NUBPL: variants seen among roughly 807,000 people sequenced by gnomAD.
NUBPL encodes the protein iron-sulfur cluster transfer protein NUBPL.
In NUBPL, 31 loss-of-function variants were observed where a neutral mutation model predicts 45.7. That is an observed-to-expected ratio of 0.68 (90% CI 0.51 to 0.92). The LOEUF is 0.92. NUBPL is among the 40% of genes least tolerant of loss of function. NUBPL has a pLI of 0.00. For synonymous variants in NUBPL, 144 were observed against 140.9 expected (o/e 1.02, Z -0.15); for missense variants, 401 against 398.7 (o/e 1.01, Z -0.05).
rs527750445 is a variant in NUBPL at position 31,784,625 on chromosome 14, A to G, written c.514-3155A>G. Among the ~76,000 whole-genome samples, 58 of 152,184 alleles carry G rather than the reference A, an allele frequency of 3.8e-4. 1 individual carries two copies. Among genetic ancestry groups the G allele is most frequent in the Non-Finnish European group, 5.3e-4 (36 of 67,996 alleles). On this transcript the variant is annotated intron_variant, in intron 6 of 10. Transcript: ENST00000281081. ...TAAAGCTCCAGCAGCTTAGATTTTCAATTATTTTATTTCACAGTTTCATAG... is the reference window on the plus strand; with the variant it reads ...TAAAGCTCCAGCAGCTTAGATTTTCGATTATTTTATTTCACAGTTTCATAG...
chr14:31,578,433 T>G (rs1052377031), intron 3 of NUBPL, among the ~76,000 whole-genome samples: 3 of 152,224 alleles, frequency 2.0e-5, no homozygotes, highest in Non-Finnish European at 4.4e-5. Context: ...TGTTTCTTTC[T>G]GGTCAGGAAT....
intron 6 of NUBPL, among the ~76,000 whole-genome samples, chr14:31,776,679 A>G (rs2039103300): frequency 6.6e-6 from 1 of 152,176 alleles, no homozygotes; most frequent in African/African-American, 2.4e-5. Context: ...TCCAACAGCA[A>G]CTGAAAAACA....
At chr14:31,619,751 G>T (rs9743525) in intron 4 of NUBPL, among the ~76,000 whole-genome samples, 1 of 151,982 alleles carries the variant, frequency 6.6e-6, no homozygotes, top group Non-Finnish European at 1.5e-5. Context: ...TGAATCCTAC[G>T]ATTATGTGCC....
At chr14:31,694,090 C>T (rs574053057) in intron 6 of NUBPL, among the ~76,000 whole-genome samples, 7 of 152,140 alleles carry the variant, frequency 4.6e-5, no homozygotes, top group South Asian at 2.1e-4. Flanking sequence ...CTCCTGACCT[C>T]GTGATCTGCC....
intron 6 of NUBPL, among the ~76,000 whole-genome samples, chr14:31,706,941 T>C (rs1473870776): frequency 1.3e-5 from 2 of 152,268 alleles, no homozygotes; most frequent in African/African-American, 4.8e-5. Flanking sequence ...TTCCTGATTC[T>C]GTAAGTACTT....
In NUBPL at chr14:31,800,105, G is replaced by A. The variant is rs149889913; in HGVS notation, c.607+12232G>A. ...AAGGAGCAATTCCTTATCTGTTCAG[G>A]TTTGATAATGAGATTTCAGCAATTC... On this transcript the variant is annotated intron_variant, in intron 7 of 10. Coordinates refer to ENST00000281081, the MANE Select transcript of NUBPL (RefSeq NM_025152.3). 1.0e-3 allele frequency among the ~76,000 whole-genome samples: 152 copies of A among 152,200 alleles called. 1 individual carries two copies. Among genetic ancestry groups the A allele is most frequent in the Middle Eastern group, 3.4e-3 (1 of 294 alleles).
intron 3 of NUBPL, among the ~76,000 whole-genome samples, chr14:31,594,448 A>G (rs920606364): frequency 6.6e-6 from 1 of 152,118 alleles, no homozygotes; most frequent in East Asian, 1.9e-4. Context: ...TTTATCTTGC[A>G]TTTCTATTTT....
At chr14:31,579,032 G>T (rs1319124219) in intron 3 of NUBPL, among the ~76,000 whole-genome samples, 1 of 152,164 alleles carries the variant, frequency 6.6e-6, no homozygotes. Flanking sequence ...GTCTTTGAAG[G>T]AAGTCTAGGT....
At chr14:31,725,968 C>A (rs766923160) in intron 6 of NUBPL, among the ~76,000 whole-genome samples, 1 of 152,064 alleles carries the variant, frequency 6.6e-6, no homozygotes, top group Non-Finnish European at 1.5e-5. Flanking sequence ...CCTCAGCCTC[C>A]CAAAGTCCTG....
At position 31,643,526 on chromosome 14, in the gene NUBPL, T is replaced by C. The variant is rs1441553813; in HGVS notation, c.383-29829T>C. ...ACTTATTCATGGTGAATGATATTTT[T>C]AATGTGTTGTTGAATTCAGTTCGCT... On this transcript the variant is annotated intron_variant, in intron 4 of 10. Transcript: ENST00000281081. 2.0e-5 allele frequency among the ~76,000 whole-genome samples: 3 copies of C among 152,312 alleles called. No individual in the cohort carries two copies. The East Asian group carries it at 5.8e-4, about 29-fold the overall frequency.
chr14:31,601,134 C>T (rs184673411), intron 4 of NUBPL, among the ~76,000 whole-genome samples: 289 of 152,232 alleles, frequency 1.9e-3, no homozygotes, highest in Middle Eastern at 6.8e-3. Context: ...GGTACCAGTA[C>T]CATGCTGTTT....
chr14:31,735,945 C>A (rs969832729), intron 6 of NUBPL, among the ~76,000 whole-genome samples: 1 of 152,142 alleles, frequency 6.6e-6, no homozygotes, highest in Non-Finnish European at 1.5e-5. Context: ...AAATATGCTT[C>A]ACAAACTGCT....
intron 6 of NUBPL, among the ~76,000 whole-genome samples, chr14:31,761,825 G>T (rs2038816252): frequency 6.6e-6 from 1 of 152,100 alleles, no homozygotes; most frequent in Non-Finnish European, 1.5e-5. Flanking sequence ...CCTTGTGTAT[G>T]GGATAGCACT....
At chr14:31,790,000 A>T (rs2039350067) in intron 7 of NUBPL, among the ~76,000 whole-genome samples, 1 of 150,636 alleles carries the variant, frequency 6.6e-6, no homozygotes, top group African/African-American at 2.4e-5. Context: ...TGTTCATTTT[A>T]AAAAAATGTG....
intron 4 of NUBPL, among the ~76,000 whole-genome samples, chr14:31,626,840 T>C: frequency 6.6e-6 from 1 of 152,254 alleles, no homozygotes; most frequent in Non-Finnish European, 1.5e-5. Context: ...AGTGATTTGC[T>C]TGTAATCATG....
chr14:31,731,386 T>C (rs957621911), intron 6 of NUBPL, among the ~76,000 whole-genome samples: 3 of 152,224 alleles, frequency 2.0e-5, no homozygotes, highest in African/African-American at 7.2e-5. Context: ...TATAATACAT[T>C]TGACACACAT....
intron 4 of NUBPL, 71 bp downstream of exon 4, chr14:31,599,450 T>C (rs2034368282): frequency 9.8e-7 from 1 of 1,025,072 alleles, no homozygotes. Context: ...TGTCAGACAT[T>C]ATGCTAGATG....
intron 4 of NUBPL, among the ~76,000 whole-genome samples, chr14:31,627,239 A>AT (rs926268623): frequency 1.1e-4 from 17 of 152,252 alleles, no homozygotes; most frequent in African/African-American, 4.1e-4. Flanking sequence ...TTAAAAAAAA[A>AT]CTTTCTCATA....
At chr14:31,591,558 A>G (rs2034144089) in intron 3 of NUBPL, among the ~76,000 whole-genome samples, 1 of 152,196 alleles carries the variant, frequency 6.6e-6, no homozygotes, top group African/African-American at 2.4e-5. Context: ...GCCAGTAGAA[A>G]AAGGAAGATG....
Sources: allele counts gnomAD v4.1 joint callset (sites outside exome capture counted in the v4.1 genomes callset), GRCh38; gene constraint gnomAD v4.1.1; transcripts MANE v1.5; gene names NCBI Gene and HGNC (gene_info 2026-07-23, HGNC 2026-07-21).